The following INPP4B variants were observed in gnomAD, a reference collection of about 807,000 sequenced individuals.
INPP4B encodes the protein inositol polyphosphate-4-phosphatase type II B.
Under a neutral mutation model 122.5 loss-of-function variants are expected in INPP4B, and 55 were observed. The observed-to-expected ratio is 0.45, with a 90% CI of 0.36 to 0.56. The LOEUF (loss-of-function observed/expected upper bound fraction) is 0.56. Among genes scored for constraint, INPP4B ranks in the 20% least tolerant of loss-of-function variants. The probability of loss-of-function intolerance (pLI) is 0.00; values close to 1 mark genes in which losing one functional copy is unlikely to be tolerated. For missense variants in INPP4B, 1,000 were observed against 1,097.7 expected (o/e 0.91, Z 1.26); for synonymous variants, 403 against 388.7 (o/e 1.04, Z -0.43).
intron 11 of INPP4B, among the ~76,000 whole-genome samples, chr4:142,246,883 A>T (rs1157791497): frequency 6.6e-6 from 1 of 152,176 alleles, no homozygotes; most frequent in Non-Finnish European, 1.5e-5. Flanking sequence ...CCAGTTTTCA[A>T]AGGGAATGCT....
At chr4:142,167,901 T>C (rs1042884372) in intron 16 of INPP4B, among the ~76,000 whole-genome samples, 10 of 151,754 alleles carry the variant, frequency 6.6e-5, no homozygotes, top group African/African-American at 1.9e-4. Flanking sequence ...AAATCTGTTA[T>C]GAAATTTCTC....
At chr4:142,566,419 T>A (rs144528848) in intron 2 of INPP4B, among the ~76,000 whole-genome samples, 1 of 152,136 alleles carries the variant, frequency 6.6e-6, no homozygotes, top group Admixed American at 6.6e-5. Flanking sequence ...AAGAGTCTTA[T>A]TTACTAAACA....
chr4:142,312,349 G>T (rs1009949244), intron 8 of INPP4B, among the ~76,000 whole-genome samples: 1 of 152,150 alleles, frequency 6.6e-6, no homozygotes, highest in African/African-American at 2.4e-5. Context: ...CAGAGATGTG[G>T]CTAATTTCTC....
At chr4:142,619,834 A>C (rs531514243) in intron 2 of INPP4B, among the ~76,000 whole-genome samples, 1 of 152,132 alleles carries the variant, frequency 6.6e-6, no homozygotes, top group East Asian at 1.9e-4. Flanking sequence ...TCAGGAGTGG[A>C]TAAGAAAGGA....
intron 2 of INPP4B, among the ~76,000 whole-genome samples, chr4:142,498,447 C>T (rs1822937090): frequency 6.6e-6 from 1 of 151,868 alleles, no homozygotes; most frequent in Non-Finnish European, 1.5e-5. Context: ...GTGAGACAGT[C>T]AACTGTCATT....
chr4:142,446,597 A>G (rs140154445), intron 3 of INPP4B, among the ~76,000 whole-genome samples: 2 of 152,336 alleles, frequency 1.3e-5, no homozygotes, highest in East Asian at 3.9e-4. Context: ...GTTCTAATAA[A>G]ATATTGAAAA....
intron 1 of INPP4B, among the ~76,000 whole-genome samples, chr4:142,767,391 A>T (rs1296892000): frequency 6.6e-6 from 1 of 152,054 alleles, no homozygotes; most frequent in East Asian, 1.9e-4. Context: ...GTAATATTAG[A>T]CTGTTTGAGA....
chr4:142,627,677 T>TG (rs1427318171), intron 2 of INPP4B, among the ~76,000 whole-genome samples: 1 of 148,862 alleles, frequency 6.7e-6, no homozygotes, highest in Non-Finnish European at 1.5e-5. Flanking sequence ...GAGGATTTTT[T>TG]CACGAATGTT....
chr4:142,764,781 G>T (rs889155350), intron 1 of INPP4B, among the ~76,000 whole-genome samples: 2 of 151,918 alleles, frequency 1.3e-5, no homozygotes, highest in African/African-American at 4.8e-5. Flanking sequence ...TAACAGGAGG[G>T]TCTAGCATGT....
intron 7 of INPP4B, chr4:142,347,632 A>T (rs1252114847): frequency 2.8e-6 from 1 of 352,732 alleles, no homozygotes; most frequent in Non-Finnish European, 5.5e-6. Context: ...AAATTTCAAT[A>T]AAAATAGTTT....
intron 3 of INPP4B, among the ~76,000 whole-genome samples, chr4:142,456,658 GCTATAAT>G (rs1160010654): frequency 6.6e-6 from 1 of 151,958 alleles, no homozygotes; most frequent in Non-Finnish European, 1.5e-5. Context: ...GAATCTATGT[GCTATAAT>G]CTATAAACAT....
At chr4:142,305,061 T>C (rs1216984325) in intron 9 of INPP4B, among the ~76,000 whole-genome samples, 1 of 152,154 alleles carries the variant, frequency 6.6e-6, no homozygotes, top group Non-Finnish European at 1.5e-5. Context: ...TTACTCTCTA[T>C]TATCATAAAA....
intron 25 of INPP4B, among the ~76,000 whole-genome samples, chr4:142,036,845 G>A (rs1300161592): frequency 2.0e-5 from 3 of 152,140 alleles, no homozygotes; most frequent in Non-Finnish European, 4.4e-5. Context: ...CCCCATGACT[G>A]TATCAGAGTA....
At chr4:142,030,952 T>G (rs1292639380) in intron 25 of INPP4B, among the ~76,000 whole-genome samples, 5 of 152,146 alleles carry the variant, frequency 3.3e-5, no homozygotes, top group African/African-American at 9.7e-5. Flanking sequence ...CTTCTTTAGA[T>G]AGGGCCAAAT....
At chr4:142,076,815 T>A (rs571208475) in intron 25 of INPP4B, among the ~76,000 whole-genome samples, 2 of 152,206 alleles carry the variant, frequency 1.3e-5, no homozygotes, top group African/African-American at 4.8e-5. Context: ...CTCTTTAATA[T>A]TTGAAATAGG....
intron 16 of INPP4B, among the ~76,000 whole-genome samples, chr4:142,167,895 C>T (rs1402592779): frequency 1.3e-5 from 2 of 151,364 alleles, no homozygotes; most frequent in Non-Finnish European, 3.0e-5. Context: ...TAGTACAAAT[C>T]TGTTATGAAA....
At chr4:142,202,754 CCA>C in intron 14 of INPP4B, 4 of 985,054 alleles carry the variant, frequency 4.1e-6, no homozygotes, top group Non-Finnish European at 4.8e-6. Context: ...TTGCGGAATC[CCA>C]CTTGAGATAT....
chr4:142,362,384 G>A (rs1291858894), intron 7 of INPP4B, among the ~76,000 whole-genome samples: 1 of 151,958 alleles, frequency 6.6e-6, no homozygotes, highest in Non-Finnish European at 1.5e-5. Flanking sequence ...AAAACACACT[G>A]TGAAGAGAAA....
At chr4:142,658,240 A>G (rs1245604995) in intron 2 of INPP4B, among the ~76,000 whole-genome samples, 5 of 152,346 alleles carry the variant, frequency 3.3e-5, no homozygotes, top group East Asian at 3.9e-4. Flanking sequence ...ATAATAAGCT[A>G]TAAAACTGTA....
Sources: gnomAD v4.1 joint callset for allele counts (sites outside exome capture counted in the v4.1 genomes callset) on GRCh38, gnomAD v4.1.1 for gene constraint, MANE v1.5 for transcripts, NCBI Gene and HGNC (gene_info 2026-07-23, HGNC 2026-07-21) for gene names.